ANKRD13A: variants seen among roughly 807,000 people sequenced by gnomAD.
ANKRD13A encodes ankyrin repeat domain-containing protein 13A.
Under a neutral mutation model 81.3 loss-of-function variants are expected in ANKRD13A, and 48 were observed. The observed-to-expected ratio is 0.59, with a 90% CI of 0.47 to 0.75. The LOEUF is 0.75. ANKRD13A is among the 30% of genes least tolerant of loss of function. ANKRD13A has a pLI of 0.00. For synonymous variants in ANKRD13A, 230 were observed against 270.1 expected (o/e 0.85, Z 1.45); for missense variants, 612 against 734.0 (o/e 0.83, Z 1.92).
intron 9 of ANKRD13A, chr12:110,028,061 A>T: frequency 4.9e-6 from 2 of 405,556 alleles, no homozygotes; most frequent in Non-Finnish European, 8.9e-6. Context: ...TCAGGACTTT[A>T]TATTGCAACA....
chr12:110,037,628 T>G lies in ANKRD13A; in HGVS notation c.*74T>G. 2,497 of 1,301,380 alleles carry G rather than the reference T, an allele frequency of 1.9e-3. No homozygotes were observed. The highest frequency in any genetic ancestry group is 2.4e-3 in the Non-Finnish European group (2,268 of 932,456). The allele number at this position is 1,301,380 out of a possible 1,614,324, so 80.6% of individuals were successfully genotyped here. ...ACAGATGCTGTGTCAACCAGGGCCC[T>G]AGGGCTAAGGGCCTGCACCTTGCGT... On this transcript the variant is annotated 3_prime_UTR_variant, in exon 15 of 15. Coordinates refer to ENST00000261739, the MANE Select transcript of ANKRD13A (RefSeq NM_033121.2).
Position 110,028,282 on chromosome 12 carries a change from A to G in ANKRD13A, c.946-230A>G, listed in dbSNP as rs1891461186. The G allele has an allele frequency of 3.0e-5, 13 of 433,180 alleles. 1 individual carries two copies. In the South Asian group the frequency reaches 5.7e-4, roughly 19 times the overall value. The allele number at this position is 433,180 out of a possible 1,614,324, so 26.8% of individuals were successfully genotyped here. On this transcript the variant is annotated intron_variant, in intron 9 of 14. Transcript: ENST00000261739. ...TTTTCTTTGTTATAATCAGGAGATA[A>G]AAATGTAAAGGAGAGTAGAGAAATA...
chr12:110,024,129 A>T lies in ANKRD13A; in HGVS notation c.801+17A>T. On this transcript the variant is annotated intron_variant, in intron 7 of 14. Transcript: ENST00000261739. ...GAAGCAAAGGTAAAAGGAAACTCTT[A>T]AAATAAGATTTAATATAGCTATTTA... is the stretch of plus-strand genomic sequence containing the variant. 6.3e-7 allele frequency: 1 copy of T among 1,586,178 alleles called. No individual in the cohort carries two copies. The highest frequency in any genetic ancestry group is 2.2e-5 in the East Asian group (1 of 44,736).
intron 12 of ANKRD13A, among the ~76,000 whole-genome samples, chr12:110,031,358 T>C (rs910170611): frequency 2.2e-5 from 3 of 137,620 alleles, no homozygotes; most frequent in African/African-American, 7.8e-5. Flanking sequence ...GTTCAGTGCA[T>C]TTTTTTTTTT....
At chr12:110,024,868 C>G (rs1181199119) in intron 7 of ANKRD13A, among the ~76,000 whole-genome samples, 2 of 152,226 alleles carry the variant, frequency 1.3e-5, no homozygotes, top group South Asian at 2.1e-4. Flanking sequence ...TCTAGACCAC[C>G]ATATTCCCCA....
intron 13 of ANKRD13A, among the ~76,000 whole-genome samples, chr12:110,034,223 A>G (rs185462067): frequency 9.2e-5 from 14 of 152,268 alleles, no homozygotes; most frequent in Non-Finnish European, 1.9e-4. Flanking sequence ...ATAGCTTGTA[A>G]TTCTGTACTT....
At chr12:110,003,165 T>C (rs1408100466) in intron 1 of ANKRD13A, among the ~76,000 whole-genome samples, 1 of 152,186 alleles carries the variant, frequency 6.6e-6, no homozygotes, top group African/African-American at 2.4e-5. Context: ...GGTGAGTCAG[T>C]GTACCTTAGA....
At chr12:110,001,125 C>T (rs1006451895) in intron 1 of ANKRD13A, among the ~76,000 whole-genome samples, 1 of 151,430 alleles carries the variant, frequency 6.6e-6, no homozygotes, top group East Asian at 1.9e-4. Context: ...TTCAAGCTAA[C>T]AAACTTAGCA....
In ANKRD13A at chr12:110,030,627, T is replaced by C. The variant is rs563391382; in HGVS notation, c.1235-18T>C. ...CTCAGTAAAGTTTACTTATAAAAGT[T>C]TTTATTTTGTTTGTTAGAAATTCCC... On this transcript the variant is annotated intron_variant, in intron 11 of 14. Coordinates refer to ENST00000261739, the MANE Select transcript of ANKRD13A (RefSeq NM_033121.2). The C allele has an allele frequency of 3.3e-6, 5 of 1,496,956 alleles. No homozygotes were observed. In the African/African-American group the frequency reaches 5.6e-5, roughly 17 times the overall value. The allele number at this position is 1,496,956 out of a possible 1,614,324, so 92.7% of individuals were successfully genotyped here.
chr12:110,012,274 A>G (rs1009482260), intron 2 of ANKRD13A, 137 bp downstream of exon 2: 2 of 1,014,270 alleles, frequency 2.0e-6, no homozygotes, highest in Middle Eastern at 3.1e-4. Flanking sequence ...CTGAGGGGGT[A>G]GGATCACCTG....
chr12:110,039,363 GTT>G lies in ANKRD13A; in HGVS notation c.*1813_*1814del, dbSNP rs1892238400. 6.6e-6 allele frequency: 1 copy of G among 152,144 alleles called. No individual in the cohort carries two copies. Among genetic ancestry groups the G allele is most frequent in the Non-Finnish European group, 1.5e-5 (1 of 68,022 alleles). 9.4% of individuals were successfully genotyped at this position (152,144 alleles called of 1,614,324 possible). On this transcript the variant is annotated 3_prime_UTR_variant, in exon 15 of 15. Coordinates refer to ENST00000261739, the MANE Select transcript of ANKRD13A (RefSeq NM_033121.2). ...GAGCATTGTGTCAACCTGTTGCAGT[GTT>G]TTTCATATATGTGTTCACTCTAAAA...
chr12:110,020,146 A>G (rs1261041894), intron 6 of ANKRD13A, among the ~76,000 whole-genome samples: 2 of 152,214 alleles, frequency 1.3e-5, no homozygotes, highest in Admixed American at 1.3e-4. Flanking sequence ...CTAGGATGTC[A>G]CATCCAGCTC....
chr12:110,032,507 T>C (rs934488994), intron 12 of ANKRD13A: 1 of 152,234 alleles, frequency 6.6e-6, no homozygotes, highest in African/African-American at 2.4e-5. Context: ...TCGTGCACTC[T>C]TGGCTGGAAG....
At chr12:110,033,220 AT>A (rs549997034) in intron 12 of ANKRD13A, among the ~76,000 whole-genome samples, 395 of 138,582 alleles carry the variant, frequency 2.9e-3, no homozygotes, top group Middle Eastern at 3.8e-3. Context: ...CGCCCGGCTA[AT>A]TTTTTTTTTT....
chr12:110,034,086 G>T, intron 13 of ANKRD13A, 129 bp downstream of exon 13: 1 of 977,570 alleles, frequency 1.0e-6, no homozygotes, highest in South Asian at 2.7e-5. Context: ...TATTTGCATA[G>T]GTTATACTTT....
Position 110,037,542 on chromosome 12 carries a change from C to T in ANKRD13A, c.1761C>T (p.Leu587=). 6.2e-7 allele frequency: 1 copy of T among 1,613,354 alleles called. No homozygotes were observed. The highest frequency in any genetic ancestry group is 8.5e-7 in the Non-Finnish European group (1 of 1,179,970). Reference sequence around the variant, plus strand: ...TCCAGCAAGTCTTACAGCTGTCACTCACTGACAAATAGACCTTTCAGCCTG... The same window carrying T: ...TCCAGCAAGTCTTACAGCTGTCACTTACTGACAAATAGACCTTTCAGCCTG... The part of the protein sequence containing the change: ...AELQQVLQLS[L]TDK Residue 587 remains leucine (L), a synonymous_variant, in exon 15 of 15, where the codon CTC becomes CTT. Transcript: ENST00000261739.
intron 3 of ANKRD13A, among the ~76,000 whole-genome samples, chr12:110,015,141 G>A (rs1322631334): frequency 5.3e-5 from 8 of 151,902 alleles, no homozygotes; most frequent in Non-Finnish European, 1.2e-4. Flanking sequence ...GGAATGGTAG[G>A]TAAGAAAATA....
Position 110,012,007 on chromosome 12 carries a change from T to G in ANKRD13A, c.99T>G (p.Asn33Lys), listed in dbSNP as rs1223523308. ...RQLEKELQGQ[N>K]VEAVDPRGRT... ...AAATGCCAGTGTTTCCTTCACAGAATGTGGAGGCTGTGGACCCACGAGGTC... is the reference window on the plus strand; with the variant it reads ...AAATGCCAGTGTTTCCTTCACAGAAGGTGGAGGCTGTGGACCCACGAGGTC... The change falls in exon 2 of 15, where the codon AAT (asparagine) becomes AAG (lysine). Residue 33 changes from asparagine (N) to lysine (K), a missense_variant and splice_region_variant. Transcript: ENST00000261739. 2 of 1,601,894 alleles carry G rather than the reference T, an allele frequency of 1.2e-6. No homozygotes were observed. The highest frequency in any genetic ancestry group is 1.7e-6 in the Non-Finnish European group (2 of 1,169,898).
In ANKRD13A at chr12:110,036,137, CA is replaced by C. The variant is rs1229945244; in HGVS notation, c.1510-123del. ...CCCAAGTCCCTGTTAGCTTTTCACACAGCACTATTGATAATGGTCATGGAAA... is the reference window on the plus strand; with the variant it reads ...CCCAAGTCCCTGTTAGCTTTTCACACGCACTATTGATAATGGTCATGGAAA... On this transcript the variant is annotated intron_variant, in intron 13 of 14. Coordinates refer to ENST00000261739, the MANE Select transcript of ANKRD13A (RefSeq NM_033121.2). This position sits in a 1 kb window ranked among gnomAD's most constrained non-coding sequence, Gnocchi z 4.6. 1 of 892,788 alleles carries C rather than the reference CA, an allele frequency of 1.1e-6. No homozygotes were observed. Among genetic ancestry groups the C allele is most frequent in the East Asian group, 2.5e-5 (1 of 40,284 alleles). 55.3% of individuals were successfully genotyped at this position (892,788 alleles called of 1,614,324 possible).
Sources: allele counts gnomAD v4.1 joint callset (sites outside exome capture counted in the v4.1 genomes callset), GRCh38; gene constraint gnomAD v4.1.1; non-coding constraint Gnocchi (gnomAD v3.1); transcripts MANE v1.5; gene names NCBI Gene and HGNC (gene_info 2026-07-23, HGNC 2026-07-21).